Variants in SYT4 observed in about 807,000 individuals in gnomAD.
The protein encoded by SYT4 is synaptotagmin-4.
In SYT4, 7 loss-of-function variants were observed where a neutral mutation model predicts 32.9. The observed-to-expected ratio is 0.21, with a 90% CI of 0.12 to 0.40. The LOEUF (loss-of-function observed/expected upper bound fraction) is 0.40. Among genes scored for constraint, SYT4 ranks in the 10% least tolerant of loss-of-function variants. The pLI is 1.00. For synonymous variants in SYT4, 205 were observed against 186.2 expected (o/e 1.10, Z -0.82); for missense variants, 480 against 488.0 (o/e 0.98, Z 0.16).
chr18:43,271,358 A>G (rs1463439160), intron 3 of SYT4, among the ~76,000 whole-genome samples: 1 of 152,124 alleles, frequency 6.6e-6, no homozygotes, highest in Non-Finnish European at 1.5e-5. Context: ...TGATATCTGA[A>G]GAAGTATGTA....
rs1344740915 is a variant in SYT4, at chr18:43,269,613, G to A, written c.*728C>T. 1 of 152,586 alleles carries A rather than the reference G, an allele frequency of 6.6e-6. No homozygotes were observed. The highest frequency in any genetic ancestry group is 2.4e-5 in the African/African-American group (1 of 41,420). 9.5% of individuals were successfully genotyped at this position (152,586 alleles called of 1,614,324 possible). ...TGTGACAGGCAGTGAATAATCCAAG[G>A]CCATGGTTCTTATGTGAGGTTATAT... On this transcript the variant is annotated 3_prime_UTR_variant, in exon 4 of 4. Coordinates refer to ENST00000255224, the MANE Select transcript of SYT4 (RefSeq NM_020783.4).
intron 1 of SYT4, among the ~76,000 whole-genome samples, chr18:43,276,473 C>T (rs1369545164): frequency 6.6e-6 from 1 of 152,060 alleles, no homozygotes; most frequent in Non-Finnish European, 1.5e-5. Context: ...AAAAATAGTA[C>T]TTTTTTACTC....
chr18:43,270,768 T>A (rs1568120295), intron 3 of SYT4, 120 bp from the exon 4 acceptor site: 6 of 1,024,072 alleles, frequency 5.9e-6, no homozygotes, highest in Middle Eastern at 2.3e-4. Flanking sequence ...GGAAAATAAG[T>A]CAAAACAACA....
chr18:43,277,373 T>A lies in SYT4; in HGVS notation c.-92A>T, dbSNP rs1461132320. On this transcript the variant is annotated 5_prime_UTR_variant, in exon 1 of 4. Transcript: ENST00000255224. The stretch of plus-strand genomic sequence containing the variant: ...TCTCAAGCGCCGGCTTTCGGAGCGC[T>A]GAAAACAACAGCGCAGAGCCCAGGG... The A allele has an allele frequency of 6.6e-7, 1 of 1,518,998 alleles. No homozygotes were observed. Among genetic ancestry groups the A allele is most frequent in the Non-Finnish European group, 9.1e-7 (1 of 1,095,246 alleles). 94.1% of individuals were successfully genotyped at this position (1,518,998 alleles called of 1,614,324 possible). A position where few individuals can be genotyped will look rare whatever the true frequency, so the allele number is the denominator to read the frequency against.
Position 43,273,595 on chromosome 18 carries a change from G to C in SYT4, c.834C>G (p.Ile278Met). ...AATAAATTACCCTAACATTTCTCTT[G>C]ATGATCTCTCTATTCATTAACATTT... ...EGKMLMNREI[I>M]KRNVRKSSGR... The change falls in exon 2 of 4, where the codon ATC (isoleucine) becomes ATG (methionine). Residue 278 changes from isoleucine to methionine, a missense_variant. By Grantham distance (10) the Ile-to-Met change is conservative (BLOSUM62 1). Transcript: ENST00000255224. 1 of 1,604,638 alleles carries C rather than the reference G, an allele frequency of 6.2e-7. No individual in the cohort carries two copies. The highest frequency in any genetic ancestry group is 8.5e-7 in the Non-Finnish European group (1 of 1,174,758).
intron 1 of SYT4, among the ~76,000 whole-genome samples, chr18:43,275,595 C>T (rs766751198): frequency 6.6e-6 from 1 of 152,078 alleles, no homozygotes; most frequent in African/African-American, 2.4e-5. Context: ...TTTGTTACTT[C>T]CCTTCCCCAT....
At position 43,271,692 on chromosome 18, in the gene SYT4, T is replaced by C; in HGVS notation, c.970+20A>G. 2 of 1,611,734 alleles carry C rather than the reference T, an allele frequency of 1.2e-6. No individual in the cohort carries two copies. Among genetic ancestry groups the C allele is most frequent in the Non-Finnish European group, 1.7e-6 (2 of 1,178,364 alleles). On this transcript the variant is annotated intron_variant, in intron 3 of 3. Coordinates refer to ENST00000255224, the MANE Select transcript of SYT4 (RefSeq NM_020783.4). ...ATTCCAATCATACAGTGAATCTGAATATTTCAGAAGCATTCTTACCTGAAA... is the reference window on the plus strand; with the variant it reads ...ATTCCAATCATACAGTGAATCTGAACATTTCAGAAGCATTCTTACCTGAAA...
At chr18:43,274,462 G>A in intron 1 of SYT4, 68 bp from the exon 2 acceptor site, 2 of 1,259,042 alleles carry the variant, frequency 1.6e-6, no homozygotes, top group South Asian at 3.1e-5. Flanking sequence ...CTTTTGAAAA[G>A]CCTAATAGAG....
chr18:43,274,502 A>G, intron 1 of SYT4, 108 bp from the exon 2 acceptor site: 1 of 861,210 alleles, frequency 1.2e-6, no homozygotes, highest in Middle Eastern at 2.3e-4. Context: ...GGATAGATTG[A>G]ATTACTTTCC....
At position 43,274,518 on chromosome 18, in the gene SYT4, T is replaced by C. The variant is rs1443169849; in HGVS notation, c.35-124A>G. ...GATAGATTGAATTACTTTCCAACTG[T>C]TCTGGGTATGAGTTAAGTGTATATT... On this transcript the variant is annotated intron_variant, in intron 1 of 3. Transcript: ENST00000255224. 2.5e-5 allele frequency: 18 copies of C among 728,280 alleles called. 1 individual carries two copies. In the Admixed American group the frequency reaches 5.5e-4, roughly 22 times the overall value. 45.1% of individuals were successfully genotyped at this position (728,280 alleles called of 1,614,324 possible). A position where few individuals can be genotyped will look rare whatever the true frequency, so the allele number is the denominator to read the frequency against.
chr18:43,274,077 G>A lies in SYT4; in HGVS notation c.352C>T (p.Leu118=), dbSNP rs1276120980. ...AAGAGCTTCGGGGTTGCATTCTCCA[G>A]ATCAGAAGGACTGCCAGGTTTGAGG... ...TNLKPGSPSD[L]ENATPKLFLE... The change falls in exon 2 of 4, where the codon CTG becomes TTG. Residue 118 remains leucine (L), a synonymous_variant. Transcript: ENST00000255224. 3.1e-6 allele frequency: 5 copies of A among 1,614,044 alleles called. No individual in the cohort carries two copies. The highest frequency in any genetic ancestry group is 4.2e-6 in the Non-Finnish European group (5 of 1,179,950).
intron 1 of SYT4, among the ~76,000 whole-genome samples, chr18:43,275,433 T>C (rs1374086989): frequency 6.6e-6 from 1 of 152,140 alleles, no homozygotes; most frequent in East Asian, 1.9e-4. Flanking sequence ...AGTCAATGCT[T>C]AATATCATCA....
intron 2 of SYT4, among the ~76,000 whole-genome samples, chr18:43,272,534 T>C (rs1166203518): frequency 6.6e-6 from 1 of 152,196 alleles, no homozygotes; most frequent in Non-Finnish European, 1.5e-5. Context: ...ATAGATAAGA[T>C]ATACAATAAT....
Position 43,270,222 on chromosome 18 carries a change from C to G in SYT4, c.*119G>C. On this transcript the variant is annotated 3_prime_UTR_variant, in exon 4 of 4. Coordinates refer to ENST00000255224, the MANE Select transcript of SYT4 (RefSeq NM_020783.4). Reference sequence around the variant, plus strand: ...GTCTACTAATTCAATCCATTTCTAGCAACAACAACAACAACAAAAAGGTAG... The same window carrying G: ...GTCTACTAATTCAATCCATTTCTAGGAACAACAACAACAACAAAAAGGTAG... 1.0e-6 allele frequency: 1 copy of G among 999,220 alleles called. No homozygotes were observed. The highest frequency in any genetic ancestry group is 1.5e-6 in the Non-Finnish European group (1 of 678,202). The allele number at this position is 999,220 out of a possible 1,614,324, so 61.9% of individuals were successfully genotyped here. A position where few individuals can be genotyped will look rare whatever the true frequency, so the allele number is the denominator to read the frequency against.
intron 3 of SYT4, 85 bp downstream of exon 3, chr18:43,271,627 A>T: frequency 6.5e-7 from 1 of 1,535,774 alleles, no homozygotes; most frequent in Admixed American, 1.8e-5. Context: ...GAGAAAAGAT[A>T]GAAGAGTAAG....
In SYT4 at chr18:43,277,470, G is replaced by C. The variant is rs1015076706; in HGVS notation, c.-189C>G. The C allele has an allele frequency of 2.4e-5, 15 of 617,464 alleles. No homozygotes were observed. The highest frequency in any genetic ancestry group is 3.4e-5 in the Non-Finnish European group (12 of 356,482). 38.2% of individuals were successfully genotyped at this position (617,464 alleles called of 1,614,324 possible). On this transcript the variant is annotated 5_prime_UTR_variant, in exon 1 of 4. Coordinates refer to ENST00000255224, the MANE Select transcript of SYT4 (RefSeq NM_020783.4). ...CCCTCGCACAGTGATTTGCCACCTC[G>C]GTTCCTGTTTTGGCTCTTCTGAGAA...
At position 43,274,145 on chromosome 18, in the gene SYT4, T is replaced by C; in HGVS notation, c.284A>G (p.Asp95Gly). 1.2e-6 allele frequency: 2 copies of C among 1,614,126 alleles called. No individual in the cohort carries two copies. The highest frequency in any genetic ancestry group is 1.1e-5 in the South Asian group (1 of 91,086). The change falls in exon 2 of 4, where the codon GAT (aspartate) becomes GGT (glycine). Residue 95 changes from aspartate (D) to glycine (G), a missense_variant. Coordinates refer to ENST00000255224, the MANE Select transcript of SYT4 (RefSeq NM_020783.4). ...GCCATTGAGATCTCTCTTTTCAAGA[T>C]CCAGATGCAATGAATTCTTTGGCAC... ...PAVPKNSLHLDLEKRDLNGNF... is the reference protein window; with the variant it reads ...PAVPKNSLHLGLEKRDLNGNF...
chr18:43,272,071 A>C (rs1908649136), intron 2 of SYT4: 2 of 277,520 alleles, frequency 7.2e-6, no homozygotes, highest in Non-Finnish European at 1.4e-5. Flanking sequence ...TTGGCAATAA[A>C]TTGGCCACAC....
rs775663816 is a variant in SYT4, at chr18:43,270,662, T to C, written c.971-14A>G. The C allele has an allele frequency of 6.2e-7, 1 of 1,610,924 alleles. No individual in the cohort carries two copies. The highest frequency in any genetic ancestry group is 1.3e-5 in the African/African-American group (1 of 74,740). On this transcript the variant is annotated splice_polypyrimidine_tract_variant and intron_variant, in intron 3 of 3. Coordinates refer to ENST00000255224, the MANE Select transcript of SYT4 (RefSeq NM_020783.4). ...TGACATAGGGATCTGCAGTGGAACA[T>C]AACAGGCATTACAATGGCATAACTG...
Sources: allele counts gnomAD v4.1 joint callset (sites outside exome capture counted in the v4.1 genomes callset), GRCh38; gene constraint gnomAD v4.1.1; transcripts MANE v1.5; gene names NCBI Gene and HGNC (gene_info 2026-07-23, HGNC 2026-07-21).